PHLPP1: variants seen among roughly 807,000 people sequenced by gnomAD.
PHLPP1 encodes the protein PH domain and leucine rich repeat protein phosphatase 1.
In PHLPP1, 42 loss-of-function variants were observed where a neutral mutation model predicts 117.2. The ratio of observed to expected loss-of-function variants is 0.36; its 90% CI spans 0.28 to 0.46. The LOEUF (loss-of-function observed/expected upper bound fraction) is 0.46, where lower values mean the gene tolerates loss of function less well. PHLPP1 is among the 20% of genes least tolerant of loss of function. PHLPP1 has a pLI of 1.00. For synonymous variants in PHLPP1, 1,042 were observed against 970.7 expected, an observed-to-expected ratio of 1.07 and a Z score of -1.37; for missense variants, 2,084 against 2,241.9, an observed-to-expected ratio of 0.93 and a Z score of 1.42.
chr18:62,722,981 G>C (rs1910968171), intron 1 of PHLPP1, among the ~76,000 whole-genome samples: 1 of 152,178 alleles, frequency 6.6e-6, no homozygotes, highest in Non-Finnish European at 1.5e-5. Context: ...ACCATGACTT[G>C]GCCTCATATA....
chr18:62,930,139 A>C (rs928900590), intron 10 of PHLPP1, among the ~76,000 whole-genome samples: 1 of 152,246 alleles, frequency 6.6e-6, no homozygotes, highest in Non-Finnish European at 1.5e-5. Context: ...ATAAGACATA[A>C]GTACAAAGAT....
chr18:62,810,709 C>T (rs1393470101), intron 1 of PHLPP1, among the ~76,000 whole-genome samples: 1 of 152,246 alleles, frequency 6.6e-6, no homozygotes, highest in Middle Eastern at 3.4e-3. Flanking sequence ...AAAGCGAAAT[C>T]ATGGATAAGG....
At chr18:62,825,365 T>C (rs1242292219) in intron 1 of PHLPP1, 1 of 148,414 alleles carries the variant, frequency 6.7e-6, no homozygotes, top group Admixed American at 6.8e-5. Context: ...TGTATATATA[T>C]AAATATATCA....
intron 1 of PHLPP1, among the ~76,000 whole-genome samples, chr18:62,735,883 G>T (rs1212799574): frequency 6.6e-6 from 1 of 151,716 alleles, no homozygotes; most frequent in African/African-American, 2.4e-5. Context: ...CTGTTAAATG[G>T]CACATGTATA....
At position 62,773,098 on chromosome 18, in the gene PHLPP1, G is replaced by C. The variant is rs151130552; in HGVS notation, c.1576+55839G>C. ...GTGGGAAGCAACAGGAATGAAAAAG[G>C]CTTGGATTTTGTCATGCTGGGAACC... On this transcript the variant is annotated intron_variant, in intron 1 of 16. Transcript: ENST00000262719. Among the ~76,000 whole-genome samples, 11 of 152,210 alleles carry C rather than the reference G, an allele frequency of 7.2e-5. No homozygotes were observed. The East Asian group carries it at 1.9e-3, about 27-fold the overall frequency.
chr18:62,805,954 C>G (rs1913938481), intron 1 of PHLPP1, among the ~76,000 whole-genome samples: 1 of 151,616 alleles, frequency 6.6e-6, no homozygotes, highest in Admixed American at 6.6e-5. Context: ...TCATTCTCTT[C>G]TGCATATAAT....
intron 1 of PHLPP1, among the ~76,000 whole-genome samples, chr18:62,792,364 A>T (rs971415953): frequency 1.3e-5 from 2 of 152,168 alleles, no homozygotes; most frequent in Non-Finnish European, 2.9e-5. Context: ...AGTAGATTTT[A>T]TTCTGATGTC....
intron 10 of PHLPP1, among the ~76,000 whole-genome samples, chr18:62,937,083 A>G (rs2144446971): frequency 6.6e-6 from 1 of 152,304 alleles, no homozygotes; most frequent in East Asian, 1.9e-4. Context: ...AAATAGATAA[A>G]TCTGTTATGG....
intron 1 of PHLPP1, among the ~76,000 whole-genome samples, chr18:62,777,439 G>T (rs1294275199): frequency 6.6e-6 from 1 of 151,100 alleles, no homozygotes; most frequent in East Asian, 1.9e-4. Context: ...TCCTTGTTAG[G>T]TATATGTATG....
chr18:62,924,685 A>G (rs1201235297), intron 10 of PHLPP1, among the ~76,000 whole-genome samples: 14 of 147,502 alleles, frequency 9.5e-5, no homozygotes, highest in South Asian at 4.5e-4. Context: ...TGAAAAAAAA[A>G]AAAAAAAAAA....
intron 3 of PHLPP1, among the ~76,000 whole-genome samples, chr18:62,843,801 AGGCTAC>A (rs1915111603): frequency 6.6e-6 from 1 of 152,216 alleles, no homozygotes; most frequent in African/African-American, 2.4e-5. Context: ...TGAAGTGAAA[AGGCTAC>A]GGCTAAGCTG....
At chr18:62,958,404 T>A (rs1445419671) in intron 12 of PHLPP1, among the ~76,000 whole-genome samples, 1 of 152,232 alleles carries the variant, frequency 6.6e-6, no homozygotes, top group East Asian at 1.9e-4. Flanking sequence ...ATAAAGAACA[T>A]GGATTTTCTG....
intron 1 of PHLPP1, among the ~76,000 whole-genome samples, chr18:62,789,115 G>T (rs1423341781): frequency 1.3e-5 from 2 of 152,182 alleles, no homozygotes; most frequent in Non-Finnish European, 2.9e-5. Context: ...GAACCACACT[G>T]ATGTCAGATG....
intron 1 of PHLPP1, among the ~76,000 whole-genome samples, chr18:62,805,355 A>G (rs1913918697): frequency 6.6e-6 from 1 of 151,784 alleles, no homozygotes; most frequent in Non-Finnish European, 1.5e-5. Context: ...ATACAGTATA[A>G]TATACACTGC....
Position 62,716,778 on chromosome 18 carries a change from C to G in PHLPP1, c.1095C>G (p.Pro365=). ...SAESVSDRLD[P]YSSGGGSSSS... ...AGAGCGTGTCTGACCGGTTGGACCCCTACAGCAGCGGCGGCGGCTCCTCGT... is the reference window on the plus strand; with the variant it reads ...AGAGCGTGTCTGACCGGTTGGACCCGTACAGCAGCGGCGGCGGCTCCTCGT... The change falls in exon 1 of 17, where the codon CCC becomes CCG. Residue 365 remains proline, a synonymous_variant. Coordinates refer to ENST00000262719, the MANE Select transcript of PHLPP1 (RefSeq NM_194449.4). This position sits in a 1 kb window ranked among gnomAD's most constrained non-coding sequence, Gnocchi z 5.7. The G allele has an allele frequency of 1.3e-6, 2 of 1,527,342 alleles. No individual in the cohort carries two copies. The highest frequency in any genetic ancestry group is 2.4e-5 in the South Asian group (2 of 82,984). The allele number at this position is 1,527,342 out of a possible 1,614,324, so 94.6% of individuals were successfully genotyped here. A position where few individuals can be genotyped will look rare whatever the true frequency, so the allele number is the denominator to read the frequency against.
At chr18:62,920,220 G>T in intron 10 of PHLPP1, 106 bp downstream of exon 10, 1 of 1,085,520 alleles carries the variant, frequency 9.2e-7, no homozygotes, top group East Asian at 2.6e-5. Context: ...GTATGTATCT[G>T]TCCCAGATTT....
intron 8 of PHLPP1, among the ~76,000 whole-genome samples, chr18:62,912,851 C>T (rs1389237345): frequency 6.6e-6 from 1 of 152,160 alleles, no homozygotes; most frequent in Non-Finnish European, 1.5e-5. Flanking sequence ...GAACTCCTGA[C>T]CTCAAGTGAT....
intron 1 of PHLPP1, among the ~76,000 whole-genome samples, chr18:62,729,387 G>C (rs763926382): frequency 6.6e-6 from 1 of 152,096 alleles, no homozygotes; most frequent in African/African-American, 2.4e-5. Context: ...GAAAATCTCC[G>C]GACCCATTGC....
chr18:62,940,048 A>T (rs1910083049), intron 10 of PHLPP1, among the ~76,000 whole-genome samples: 1 of 151,780 alleles, frequency 6.6e-6, no homozygotes, highest in African/African-American at 2.4e-5. Flanking sequence ...CACCCTTCTA[A>T]CTCTTGTAGG....
Sources: gnomAD v4.1 joint callset for allele counts (sites outside exome capture counted in the v4.1 genomes callset) on GRCh38, gnomAD v4.1.1 for gene constraint, Gnocchi (gnomAD v3.1) non-coding constraint, MANE v1.5 for transcripts, NCBI Gene and HGNC (gene_info 2026-07-23, HGNC 2026-07-21) for gene names.